The following CTNNA3 variants were observed in gnomAD, a reference collection of about 807,000 sequenced individuals.
The protein encoded by CTNNA3 is catenin alpha-3.
A neutral mutation model predicts 95.7 loss-of-function variants in CTNNA3; 76 were observed. That is an observed-to-expected ratio of 0.79 (90% CI 0.66 to 0.96). CTNNA3 has a LOEUF of 0.96. Among genes scored for constraint, CTNNA3 ranks in the 40% least tolerant of loss-of-function variants. CTNNA3 has a pLI of 0.00. For missense variants in CTNNA3, 1,191 were observed against 1,089.8 expected (o/e 1.09, Z -1.31); for synonymous variants, 431 against 374.4 (o/e 1.15, Z -1.74).
At chr10:66,579,859 C>CT (rs934677782) in intron 10 of CTNNA3, among the ~76,000 whole-genome samples, 4 of 151,736 alleles carry the variant, frequency 2.6e-5, no homozygotes, top group Non-Finnish European at 3.0e-5. Context: ...TCTGAACGTT[C>CT]TTTTTTCCAC....
intron 12 of CTNNA3, among the ~76,000 whole-genome samples, chr10:66,360,678 C>CCTTTTCTTTCTTTCTTTCTTTCTTT (rs1554944442): frequency 1.3e-5 from 1 of 79,206 alleles, no homozygotes; most frequent in Non-Finnish European, 2.8e-5. Context: ...TTCCTTCCTT[C>CCTTTTCTTTCTTTCTTTCTTTCTTT]CTTCCTTCCT....
At chr10:67,175,727 C>T (rs2306402) in intron 7 of CTNNA3, among the ~76,000 whole-genome samples, 55,600 of 151,992 alleles carry the variant, frequency 0.37, 14,580 homozygotes, top group African/African-American at 0.75. Context: ...AATTATATGT[C>T]ACCTATCTAA....
intron 7 of CTNNA3, among the ~76,000 whole-genome samples, chr10:66,968,317 C>T (rs907037368): frequency 6.7e-5 from 10 of 150,242 alleles, no homozygotes; most frequent in Non-Finnish European, 1.0e-4. Context: ...ATATCAGACA[C>T]TATTTTAGAG....
intron 13 of CTNNA3, among the ~76,000 whole-genome samples, chr10:66,175,189 C>T (rs758719102): frequency 6.2e-4 from 95 of 152,094 alleles, no homozygotes; most frequent in Non-Finnish European, 1.2e-3. Context: ...CACACACACA[C>T]ACACTCACAA....
chr10:67,693,976 G>A (rs1259696282), intron 1 of CTNNA3, among the ~76,000 whole-genome samples: 1 of 152,054 alleles, frequency 6.6e-6, no homozygotes, highest in Non-Finnish European at 1.5e-5. Context: ...CTAGTCTGTT[G>A]CCTACAGATT....
At chr10:66,863,357 G>T (rs951725447) in intron 7 of CTNNA3, among the ~76,000 whole-genome samples, 1 of 152,024 alleles carries the variant, frequency 6.6e-6, no homozygotes, top group African/African-American at 2.4e-5. Flanking sequence ...ATATGGCATG[G>T]TCAGACTGCA....
At chr10:67,415,139 A>G (rs1845499777) in intron 5 of CTNNA3, among the ~76,000 whole-genome samples, 2 of 152,210 alleles carry the variant, frequency 1.3e-5, no homozygotes, top group Admixed American at 1.3e-4. Context: ...TCAACATAGT[A>G]CTGGAAGTCC....
intron 7 of CTNNA3, among the ~76,000 whole-genome samples, chr10:66,985,764 T>C (rs1383911983): frequency 1.3e-5 from 2 of 152,186 alleles, no homozygotes; most frequent in Non-Finnish European, 2.9e-5. Context: ...AGTCTCACTC[T>C]ATCACCATGC....
At chr10:66,367,880 AATT>A (rs200238646) in intron 12 of CTNNA3, among the ~76,000 whole-genome samples, 608 of 47,078 alleles carry the variant, frequency 0.013, 4 homozygotes, top group African/African-American at 0.056. Context: ...TAATAATAAT[AATT>A]ATTATTATTA....
At position 66,061,606 on chromosome 10, in the gene CTNNA3, C is replaced by G. The variant is rs570356193; in HGVS notation, c.2159+7702G>C. Among the ~76,000 whole-genome samples, 4 of 152,088 alleles carry G rather than the reference C, an allele frequency of 2.6e-5. No homozygotes were observed. The East Asian group carries it at 7.7e-4, about 29-fold the overall frequency. ...AAGAAAAACTGTCAATTTTCTAAGG[C>G]CTTTTATAACCTATCACTTTCTTCA... On this transcript the variant is annotated intron_variant, in intron 15 of 17. Transcript: ENST00000433211.
intron 3 of CTNNA3, among the ~76,000 whole-genome samples, chr10:67,549,551 G>A (rs1024258454): frequency 6.6e-6 from 1 of 152,160 alleles, no homozygotes; most frequent in African/African-American, 2.4e-5. Flanking sequence ...AGAAACTTGA[G>A]ATTCTTAACA....
At chr10:67,052,722 C>T (rs1298066821) in intron 7 of CTNNA3, 1 of 152,082 alleles carries the variant, frequency 6.6e-6, no homozygotes, top group Non-Finnish European at 1.5e-5. Context: ...CATAATGGTA[C>T]ATCCTGCCAG....
At chr10:67,122,008 A>AT (rs398013899) in intron 7 of CTNNA3, among the ~76,000 whole-genome samples, 1 of 148,824 alleles carries the variant, frequency 6.7e-6, no homozygotes, top group Non-Finnish European at 1.5e-5. Context: ...AAAAAAAAAA[A>AT]GCTGAGGGCC....
At chr10:67,587,244 G>A (rs1842662123) in intron 3 of CTNNA3, among the ~76,000 whole-genome samples, 1 of 103,672 alleles carries the variant, frequency 9.6e-6, no homozygotes, top group Non-Finnish European at 2.3e-5. Flanking sequence ...TGTGTGTGTA[G>A]AGCCAGAGTC....
At chr10:67,053,411 T>C (rs1458288273) in intron 7 of CTNNA3, among the ~76,000 whole-genome samples, 3 of 152,182 alleles carry the variant, frequency 2.0e-5, no homozygotes, top group Non-Finnish European at 4.4e-5. Context: ...TCTGGCAGAC[T>C]TGAAGAACAT....
chr10:67,715,540 G>A (rs1214706988), intron 1 of CTNNA3, among the ~76,000 whole-genome samples: 3 of 152,012 alleles, frequency 2.0e-5, no homozygotes, highest in Admixed American at 6.6e-5. Context: ...TCTGAGAACC[G>A]TCTATCTAGT....
chr10:66,228,693 A>AT (rs986010568), intron 13 of CTNNA3, among the ~76,000 whole-genome samples: 24 of 151,942 alleles, frequency 1.6e-4, no homozygotes, highest in African/African-American at 4.8e-4. Flanking sequence ...TGTTTCTTTG[A>AT]TTTTTTGTCT....
At chr10:66,127,618 G>C (rs928755746) in intron 13 of CTNNA3, among the ~76,000 whole-genome samples, 1 of 152,138 alleles carries the variant, frequency 6.6e-6, no homozygotes, top group South Asian at 2.1e-4. Context: ...ATCCTAGATA[G>C]AGGGCTAGGA....
chr10:67,016,297 T>C (rs1852654495), intron 7 of CTNNA3, among the ~76,000 whole-genome samples: 1 of 152,220 alleles, frequency 6.6e-6, no homozygotes, highest in Non-Finnish European at 1.5e-5. Flanking sequence ...AGCCACTATT[T>C]CAGCTTACGA....
Sources: allele counts gnomAD v4.1 joint callset (sites outside exome capture counted in the v4.1 genomes callset), GRCh38; gene constraint gnomAD v4.1.1; transcripts MANE v1.5; gene names NCBI Gene and HGNC (gene_info 2026-07-23, HGNC 2026-07-21).